The following NCAM1 variants were observed in gnomAD, a reference collection of about 807,000 sequenced individuals.
The protein encoded by NCAM1 is neural cell adhesion molecule 1.
Under a neutral mutation model 109.8 loss-of-function variants are expected in NCAM1, and 14 were observed. The ratio of observed to expected loss-of-function variants is 0.13; its 90% CI spans 0.08 to 0.20. The LOEUF (loss-of-function observed/expected upper bound fraction) is 0.20. Among genes scored for constraint, NCAM1 ranks in the 10% least tolerant of loss-of-function variants. The probability of loss-of-function intolerance (pLI) is 1.00; values close to 1 mark genes in which losing one functional copy is unlikely to be tolerated. For synonymous variants in NCAM1, 418 were observed against 442.9 expected (o/e 0.94, Z 0.70); for missense variants, 774 against 1,109.9 (o/e 0.70, Z 4.30).
chr11:113,163,651 G>C (rs1942679988), intron 1 of NCAM1, among the ~76,000 whole-genome samples: 1 of 152,150 alleles, frequency 6.6e-6, no homozygotes, highest in Non-Finnish European at 1.5e-5. Flanking sequence ...TCTGCCAAGA[G>C]GGAAAACCGT....
intron 13 of NCAM1, among the ~76,000 whole-genome samples, chr11:113,234,085 A>C (rs2117913): frequency 0.01 from 1,533 of 151,812 alleles, 31 homozygotes; most frequent in African/African-American, 0.034. Flanking sequence ...TTCTGCCAGA[A>C]AGTTTCCATC....
intron 1 of NCAM1, among the ~76,000 whole-genome samples, chr11:113,190,643 T>C (rs1316837756): frequency 6.6e-6 from 1 of 152,192 alleles, no homozygotes; most frequent in East Asian, 1.9e-4. Flanking sequence ...GTTCCCTAAC[T>C]CAAGAAAGCG....
intron 14 of NCAM1, among the ~76,000 whole-genome samples, chr11:113,241,715 C>A (rs1555119148): frequency 6.6e-6 from 1 of 152,178 alleles, no homozygotes; most frequent in Non-Finnish European, 1.5e-5. Flanking sequence ...ACCTAGCTTT[C>A]CAGGGAGGAA....
chr11:113,134,489 T>A (rs987043461), intron 1 of NCAM1, among the ~76,000 whole-genome samples: 3 of 152,166 alleles, frequency 2.0e-5, no homozygotes, highest in Admixed American at 2.0e-4. Context: ...TGGATGGATG[T>A]GTATATCCAT....
intron 1 of NCAM1, among the ~76,000 whole-genome samples, chr11:112,990,705 A>G (rs1408390731): frequency 6.6e-6 from 1 of 152,086 alleles, no homozygotes; most frequent in Non-Finnish European, 1.5e-5. Context: ...TCCCAGGGTG[A>G]ATGGTTTTGA....
In NCAM1 at chr11:112,964,844, CAG is replaced by C. The variant is rs1341169001; in HGVS notation, c.52+3183_52+3184del. ...AACTGATAATTTGTTTTAAATCCAA[CAG>C]AGTTATTAAAAACAGGGAATATAAT... On this transcript the variant is annotated intron_variant, in intron 1 of 19. Coordinates refer to ENST00000316851, the MANE Select transcript of NCAM1 (RefSeq NM_181351.5). Among the ~76,000 whole-genome samples the C allele has an allele frequency of 3.9e-5, 6 of 152,258 alleles. No individual in the cohort carries two copies. In the South Asian group the frequency reaches 6.2e-4, roughly 16 times the overall value.
At chr11:113,040,586 C>T in intron 1 of NCAM1, among the ~76,000 whole-genome samples, 1 of 152,160 alleles carries the variant, frequency 6.6e-6, no homozygotes. Context: ...AGTTTGTCTA[C>T]CCTGTTCTTA....
intron 1 of NCAM1, among the ~76,000 whole-genome samples, chr11:113,089,780 ATAATGC>A (rs2135751727): frequency 6.6e-6 from 1 of 152,344 alleles, no homozygotes; most frequent in South Asian, 2.1e-4. Flanking sequence ...AAGATACATA[ATAATGC>A]TAATCATAAC....
chr11:113,008,148 A>G (rs1951935763), intron 1 of NCAM1, among the ~76,000 whole-genome samples: 1 of 152,216 alleles, frequency 6.6e-6, no homozygotes, highest in Non-Finnish European at 1.5e-5. Flanking sequence ...CCTCTTCTTC[A>G]TAGTCTTATT....
chr11:113,170,375 G>A (rs547909964), intron 1 of NCAM1, among the ~76,000 whole-genome samples: 528 of 152,318 alleles, frequency 3.5e-3, no homozygotes, highest in African/African-American at 0.012. Flanking sequence ...GCTGTCCTTT[G>A]GTCATAGCCA....
intron 17 of NCAM1, among the ~76,000 whole-genome samples, chr11:113,265,608 C>T (rs1555124290): frequency 2.0e-5 from 3 of 152,196 alleles, no homozygotes; most frequent in African/African-American, 7.2e-5. Flanking sequence ...TCTTTGCAAA[C>T]TGTATTCTAT....
intron 1 of NCAM1, among the ~76,000 whole-genome samples, chr11:112,990,476 C>T (rs1189877626): frequency 1.3e-5 from 2 of 152,070 alleles, no homozygotes; most frequent in Admixed American, 6.5e-5. Flanking sequence ...AGTCTCAGAG[C>T]CATTTCAGGG....
At chr11:113,055,753 T>G (rs1483153327) in intron 1 of NCAM1, among the ~76,000 whole-genome samples, 1 of 151,832 alleles carries the variant, frequency 6.6e-6, no homozygotes, top group Non-Finnish European at 1.5e-5. Context: ...TGTGATTATA[T>G]TACATAAGAC....
At chr11:113,096,452 C>T (rs1275423818) in intron 1 of NCAM1, among the ~76,000 whole-genome samples, 1 of 152,088 alleles carries the variant, frequency 6.6e-6, no homozygotes, top group Non-Finnish European at 1.5e-5. Context: ...TAAAGGTATA[C>T]ACAGGGTTGT....
At chr11:113,207,113 A>C in intron 5 of NCAM1, 148 bp from the exon 6 acceptor site, 1 of 612,618 alleles carries the variant, frequency 1.6e-6, no homozygotes, top group Non-Finnish European at 2.9e-6. Flanking sequence ...ACATACATGA[A>C]TTTCAATTCC....
intron 1 of NCAM1, among the ~76,000 whole-genome samples, chr11:113,042,817 G>A (rs943748874): frequency 2.0e-5 from 3 of 152,000 alleles, no homozygotes; most frequent in Non-Finnish European, 4.4e-5. Flanking sequence ...TTCCCCGCTC[G>A]CCCCTTCACC....
At chr11:113,192,638 G>A (rs1217425429) in intron 1 of NCAM1, among the ~76,000 whole-genome samples, 1 of 152,140 alleles carries the variant, frequency 6.6e-6, no homozygotes, top group African/African-American at 2.4e-5. Context: ...GACAGAGCAG[G>A]CAAAGAGGAA....
chr11:113,027,626 A>G (rs1444842674), intron 1 of NCAM1, among the ~76,000 whole-genome samples: 2 of 152,222 alleles, frequency 1.3e-5, no homozygotes, highest in Admixed American at 6.5e-5. Flanking sequence ...TTCTTTCGGC[A>G]TTTAATAATT....
At chr11:113,050,067 T>C (rs900886365) in intron 1 of NCAM1, among the ~76,000 whole-genome samples, 1 of 130,506 alleles carries the variant, frequency 7.7e-6, no homozygotes, top group African/African-American at 2.9e-5. Context: ...GTCAATTCTG[T>C]GGGGCTTTTC....
Sources: allele counts gnomAD v4.1 joint callset (sites outside exome capture counted in the v4.1 genomes callset), GRCh38; gene constraint gnomAD v4.1.1; transcripts MANE v1.5; gene names NCBI Gene and HGNC (gene_info 2026-07-23, HGNC 2026-07-21).